The following NRG1 variants were observed in gnomAD, a reference collection of about 807,000 sequenced individuals.
The protein encoded by NRG1 is pro-neuregulin-1, membrane-bound isoform.
A neutral mutation model predicts 63.8 loss-of-function variants in NRG1; 18 were observed. That is an observed-to-expected ratio of 0.28 (90% confidence interval 0.19 to 0.42). The LOEUF is 0.42. NRG1 is among the 10% of genes least tolerant of loss of function. The pLI is 1.00. For missense variants in NRG1, 762 were observed against 814.7 expected (o/e 0.94, Z 0.79); for synonymous variants, 302 against 301.3 (o/e 1.00, Z -0.02).
intron 1 of NRG1, among the ~76,000 whole-genome samples, chr8:32,371,082 C>G (rs1212150370): frequency 1.3e-5 from 2 of 150,806 alleles, no homozygotes; most frequent in African/African-American, 4.9e-5. Context: ...TGTGCTGGTG[C>G]ATGCCTGTAA....
chr8:31,741,416 T>C (rs1266159632), intron 1 of NRG1, among the ~76,000 whole-genome samples: 1 of 151,794 alleles, frequency 6.6e-6, no homozygotes, highest in Non-Finnish European at 1.5e-5. Context: ...ACTTTTTTCA[T>C]GAAAACTAAC....
At chr8:31,778,995 G>A (rs1819423144) in intron 1 of NRG1, among the ~76,000 whole-genome samples, 1 of 152,214 alleles carries the variant, frequency 6.6e-6, no homozygotes, top group African/African-American at 2.4e-5. Context: ...AACTTCAGAT[G>A]CTCAGGAACG....
intron 7 of NRG1, among the ~76,000 whole-genome samples, chr8:32,745,793 G>C (rs1038854384): frequency 4.0e-5 from 6 of 151,890 alleles, no homozygotes; most frequent in African/African-American, 1.2e-4. Flanking sequence ...CAATAGTTAG[G>C]GGCAGTACAG....
intron 1 of NRG1, among the ~76,000 whole-genome samples, chr8:31,855,173 C>T (rs1288851751): frequency 6.6e-6 from 1 of 151,976 alleles, no homozygotes; most frequent in Non-Finnish European, 1.5e-5. Flanking sequence ...TCCTTGTTGA[C>T]TTTCTGTCTC....
At chr8:31,901,001 T>C (rs1485660418) in intron 1 of NRG1, among the ~76,000 whole-genome samples, 1 of 152,228 alleles carries the variant, frequency 6.6e-6, no homozygotes, top group Non-Finnish European at 1.5e-5. Flanking sequence ...AATTTCTCTT[T>C]TTTTTCCCAG....
At chr8:32,053,407 C>G (rs183484465) in intron 1 of NRG1, among the ~76,000 whole-genome samples, 2 of 152,060 alleles carry the variant, frequency 1.3e-5, no homozygotes, top group African/African-American at 4.8e-5. Context: ...ATAAGAAGAG[C>G]CCCCAGGAAG....
chr8:31,758,915 A>C (rs1817249674), intron 1 of NRG1, among the ~76,000 whole-genome samples: 1 of 152,118 alleles, frequency 6.6e-6, no homozygotes, highest in Admixed American at 6.6e-5. Flanking sequence ...TGTTCTAGCC[A>C]ATGCTTTAAT....
intron 1 of NRG1, among the ~76,000 whole-genome samples, chr8:32,280,538 A>G (rs1755445120): frequency 6.6e-6 from 1 of 152,140 alleles, no homozygotes; most frequent in Non-Finnish European, 1.5e-5. Flanking sequence ...TCATAGAGAG[A>G]GAAACTAGAA....
At chr8:32,430,476 G>A (rs1032160527) in intron 1 of NRG1, among the ~76,000 whole-genome samples, 2 of 152,182 alleles carry the variant, frequency 1.3e-5, no homozygotes, top group Non-Finnish European at 2.9e-5. Context: ...GTGGCACGGA[G>A]TGAGGCTAGA....
intron 1 of NRG1, among the ~76,000 whole-genome samples, chr8:32,376,747 G>A (rs562235829): frequency 3.0e-4 from 45 of 152,316 alleles, no homozygotes; most frequent in Admixed American, 9.8e-4. Flanking sequence ...AAACCTGGCT[G>A]CTGCAGCTTT....
chr8:32,063,664 A>G (rs1402378671), intron 1 of NRG1, among the ~76,000 whole-genome samples: 1 of 152,138 alleles, frequency 6.6e-6, no homozygotes, highest in Non-Finnish European at 1.5e-5. Flanking sequence ...AAAGCTGTGA[A>G]GACTTGTTAG....
chr8:32,272,086 T>C (rs1400605676), intron 1 of NRG1, among the ~76,000 whole-genome samples: 3 of 152,216 alleles, frequency 2.0e-5, no homozygotes, highest in African/African-American at 7.2e-5. Flanking sequence ...TTTTTCTTTT[T>C]TCTGGAATAG....
At chr8:32,476,756 A>G (rs1824572398) in intron 1 of NRG1, among the ~76,000 whole-genome samples, 1 of 152,198 alleles carries the variant, frequency 6.6e-6, no homozygotes, top group African/African-American at 2.4e-5. Flanking sequence ...TTTGCTGGAA[A>G]GAATAACACA....
intron 2 of NRG1, among the ~76,000 whole-genome samples, chr8:32,597,077 A>G (rs1024487462): frequency 3.3e-5 from 5 of 152,186 alleles, no homozygotes; most frequent in African/African-American, 1.2e-4. Flanking sequence ...AAATCAGAGA[A>G]GAGATAAGTG....
chr8:31,713,451 C>CT (rs1261969440), intron 1 of NRG1, among the ~76,000 whole-genome samples: 1 of 152,032 alleles, frequency 6.6e-6, no homozygotes, highest in East Asian at 1.9e-4. Flanking sequence ...TGAGGTGTTG[C>CT]ATATTGGTAT....
chr8:32,057,539 A>T (rs1823144686), intron 1 of NRG1, among the ~76,000 whole-genome samples: 1 of 152,148 alleles, frequency 6.6e-6, no homozygotes, highest in East Asian at 1.9e-4. Flanking sequence ...AAGATACATC[A>T]GGAGAGCTGA....
intron 1 of NRG1, among the ~76,000 whole-genome samples, chr8:32,164,937 A>G (rs1839241140): frequency 6.6e-6 from 1 of 152,126 alleles, no homozygotes; most frequent in Non-Finnish European, 1.5e-5. Context: ...TCCCAAAGGG[A>G]TCACTGATAC....
intron 5 of NRG1, among the ~76,000 whole-genome samples, chr8:32,698,856 C>A (rs889226459): frequency 6.6e-6 from 1 of 152,140 alleles, no homozygotes; most frequent in African/African-American, 2.4e-5. Flanking sequence ...ATATTAAAAT[C>A]TCAGGACTAG....
chr8:31,951,221 C>T (rs549050788), intron 1 of NRG1, among the ~76,000 whole-genome samples: 1 of 152,228 alleles, frequency 6.6e-6, no homozygotes, highest in East Asian at 1.9e-4. Flanking sequence ...GCCCTTTATC[C>T]ATGCTTTGAG....
Sources: gnomAD v4.1 joint callset for allele counts (sites outside exome capture counted in the v4.1 genomes callset) on GRCh38, gnomAD v4.1.1 for gene constraint, MANE v1.5 for transcripts, NCBI Gene and HGNC (gene_info 2026-07-23, HGNC 2026-07-21) for gene names.